The following TRERF1 variants were observed in gnomAD, a reference collection of about 807,000 sequenced individuals.
The protein encoded by TRERF1 is transcriptional regulating factor 1, also known as transcriptional-regulating factor 1.
TRERF1 carries 27 observed loss-of-function variants against 122.9 expected under a neutral mutation model. The ratio of observed to expected loss-of-function variants is 0.22; its 90% CI spans 0.16 to 0.30. The LOEUF (loss-of-function observed/expected upper bound fraction) is 0.30, where lower values mean the gene tolerates loss of function less well. Ranked by LOEUF, TRERF1 falls within the 10% of genes least tolerant of loss-of-function variation. The probability of loss-of-function intolerance (pLI) is 1.00; values close to 1 mark genes in which losing one functional copy is unlikely to be tolerated. For synonymous variants in TRERF1, 636 were observed against 641.7 expected (o/e 0.99, Z 0.13); for missense variants, 1,248 against 1,560.3 (o/e 0.80, Z 3.37).
intron 4 of TRERF1, among the ~76,000 whole-genome samples, chr6:42,295,947 T>C (rs1021825998): frequency 6.6e-6 from 1 of 152,200 alleles, no homozygotes. Flanking sequence ...GCGTGAAAAG[T>C]GAAGTCTCAT....
chr6:42,406,187 A>G (rs996324377), intron 2 of TRERF1, among the ~76,000 whole-genome samples: 10 of 152,222 alleles, frequency 6.6e-5, no homozygotes, highest in African/African-American at 2.4e-4. Context: ...TGGCAGCTGT[A>G]AAGCTGGGAC....
chr6:42,225,625 T>C (rs1253365651), exon 18 of TRERF1: 4 of 151,940 alleles, frequency 2.6e-5, no homozygotes, highest in Non-Finnish European at 4.4e-5. Flanking sequence ...CATCCTGATA[T>C]GGAAGGCATG....
chr6:42,248,253 T>G (rs895446045), intron 13 of TRERF1, among the ~76,000 whole-genome samples: 2 of 152,208 alleles, frequency 1.3e-5, no homozygotes, highest in Admixed American at 6.5e-5. Context: ...AGCCAGGAGC[T>G]TTGGCTCCAG....
chr6:42,262,609 C>CA, intron 8 of TRERF1, among the ~76,000 whole-genome samples: 2 of 19,038 alleles, frequency 1.1e-4, no homozygotes, highest in South Asian at 1.3e-3. Context: ...GACAGACAGA[C>CA]GGAAACCCTT....
In TRERF1 at chr6:42,324,077, G is replaced by A. The variant is rs561441718; in HGVS notation, c.-370-23328C>T. Among the ~76,000 whole-genome samples the A allele has an allele frequency of 9.2e-5, 14 of 152,256 alleles. No homozygotes were observed. In the East Asian group the frequency reaches 2.7e-3, roughly 29 times the overall value. The stretch of plus-strand genomic sequence containing the variant: ...ATAAAGTGGGAGACTTGCTAATCTT[G>A]GTATTCCCACAGCCTAGCACAGGGT... On this transcript the variant is annotated intron_variant, in intron 3 of 17. Transcript: ENST00000372922.
chr6:42,280,263 G>A (rs1782066233), intron 4 of TRERF1, among the ~76,000 whole-genome samples: 1 of 152,196 alleles, frequency 6.6e-6, no homozygotes, highest in South Asian at 2.1e-4. Flanking sequence ...AACCCGAGGG[G>A]ACCTCTGGCA....
intron 4 of TRERF1, among the ~76,000 whole-genome samples, chr6:42,298,322 A>ATTTTTTTTTTTTTTTT (rs1561937046): frequency 6.6e-6 from 1 of 151,332 alleles, no homozygotes; most frequent in African/African-American, 2.4e-5. Context: ...CACCTGGCCA[A>ATTTTTTTTTTTTTTTT]TTTTTTTATT....
At chr6:42,274,628 G>A (rs538863924) in intron 4 of TRERF1, among the ~76,000 whole-genome samples, 1 of 152,068 alleles carries the variant, frequency 6.6e-6, no homozygotes, top group East Asian at 1.9e-4. Flanking sequence ...GCAGTGAGCC[G>A]AGATCAAGCC....
intron 16 of TRERF1, among the ~76,000 whole-genome samples, chr6:42,233,216 A>G (rs1195157373): frequency 1.3e-5 from 2 of 150,286 alleles, no homozygotes; most frequent in Non-Finnish European, 3.0e-5. Flanking sequence ...CTGTTGGGCC[A>G]TTTCCCTTCT....
chr6:42,408,281 A>ACT (rs1780559355), intron 2 of TRERF1, among the ~76,000 whole-genome samples: 1 of 140,992 alleles, frequency 7.1e-6, no homozygotes, highest in African/African-American at 2.7e-5. Context: ...ATATATACAT[A>ACT]CACATGTGTG....
chr6:42,336,096 T>C (rs1766119762), intron 3 of TRERF1, among the ~76,000 whole-genome samples: 1 of 152,178 alleles, frequency 6.6e-6, no homozygotes, highest in Non-Finnish European at 1.5e-5. Context: ...GGCTACCACA[T>C]GGGACAGCGC....
At chr6:42,237,834 C>A (rs1582464574) in intron 15 of TRERF1, among the ~76,000 whole-genome samples, 1 of 152,098 alleles carries the variant, frequency 6.6e-6, no homozygotes, top group South Asian at 2.1e-4. Context: ...ATTTAGTAGC[C>A]CCTCACTGTT....
exon 11 of TRERF1, chr6:42,257,026 G>A: frequency 1.9e-6 from 3 of 1,614,198 alleles, no homozygotes; most frequent in Non-Finnish European, 1.7e-6. Context: ...GTGGCCTTGT[G>A]TGTGTCCTGG....
At chr6:42,394,448 T>TA (rs1188856244) in intron 2 of TRERF1, among the ~76,000 whole-genome samples, 3 of 152,224 alleles carry the variant, frequency 2.0e-5, no homozygotes, top group Non-Finnish European at 4.4e-5. Context: ...GGGCTTCACA[T>TA]ACGGGACTGC....
intron 13 of TRERF1, among the ~76,000 whole-genome samples, chr6:42,250,992 C>CTTTTTTTTTTT (rs70987586): frequency 1.1e-4 from 11 of 97,596 alleles, no homozygotes; most frequent in East Asian, 3.0e-4. Flanking sequence ...TCTTTTGCTT[C>CTTTTTTTTTTT]TTTTTTTTTT....
In TRERF1 at chr6:42,393,624, C is replaced by T. The variant is rs1438172621; in HGVS notation, c.-453-30545G>A. ...AGAATTTCTTTCCTAAAACAGTGAC[C>T]TAGCTATTAAAATCTGCATTCCCAA... On this transcript the variant is annotated intron_variant, in intron 2 of 17. Coordinates refer to ENST00000372922, the Ensembl canonical transcript of TRERF1. The surrounding 1 kb of genome is among the most constrained non-coding windows in gnomAD (Gnocchi z 4.1). Among the ~76,000 whole-genome samples, 3 of 152,172 alleles carry T rather than the reference C, an allele frequency of 2.0e-5. No homozygotes were observed. The highest frequency in any genetic ancestry group is 4.4e-5 in the Non-Finnish European group (3 of 68,032).
chr6:42,280,858 G>T (rs558093527), intron 4 of TRERF1, among the ~76,000 whole-genome samples: 22 of 152,310 alleles, frequency 1.4e-4, no homozygotes, highest in African/African-American at 5.1e-4. Flanking sequence ...TTCCAAACTT[G>T]TTCCAAATCA....
intron 2 of TRERF1, among the ~76,000 whole-genome samples, chr6:42,426,718 C>CATTT (rs1783681713): frequency 6.6e-6 from 1 of 152,120 alleles, no homozygotes; most frequent in East Asian, 1.9e-4. Flanking sequence ...CACGCTCATT[C>CATTT]ATTTACGAGT....
intron 2 of TRERF1, among the ~76,000 whole-genome samples, chr6:42,381,580 C>A (rs551913673): frequency 1.3e-5 from 2 of 152,000 alleles, no homozygotes; most frequent in South Asian, 4.2e-4. Flanking sequence ...TGAAATGCAC[C>A]TTGAGGACCA....
Sources: allele counts gnomAD v4.1 joint callset (sites outside exome capture counted in the v4.1 genomes callset), GRCh38; gene constraint gnomAD v4.1.1; non-coding constraint Gnocchi (gnomAD v3.1); transcripts MANE v1.5; gene names NCBI Gene and HGNC (gene_info 2026-07-23, HGNC 2026-07-21).